Variants in SOS1 observed in about 807,000 individuals in gnomAD.
The protein encoded by SOS1 is son of sevenless homolog 1.
In SOS1, 25 loss-of-function variants were observed where a neutral mutation model predicts 157.6. The ratio of observed to expected loss-of-function variants is 0.16; its 90% CI spans 0.12 to 0.22. The LOEUF (loss-of-function observed/expected upper bound fraction) is 0.22, where lower values mean the gene tolerates loss of function less well. Among genes scored for constraint, SOS1 ranks in the 10% least tolerant of loss-of-function variants. SOS1 has a pLI of 1.00. For missense variants in SOS1, 1,237 were observed against 1,599.1 expected (o/e 0.77, Z 3.86); for synonymous variants, 528 against 534.0 (o/e 0.99, Z 0.16).
intron 12 of SOS1, 112 bp from the exon 13 acceptor site, chr2:39,013,675 C>T: frequency 2.1e-6 from 2 of 933,742 alleles, no homozygotes; most frequent in South Asian, 2.6e-5. Flanking sequence ...TTAATCTTAT[C>T]AGTGTGCTTA....
At position 39,061,249 on chromosome 2, in the gene SOS1, T is replaced by TA. The variant is rs68086036; in HGVS notation, c.214-2446dup. ...ATGCATGCGGAAAGATTCGTAGGGT[T>TA]AAAAAAAAAAAAAAAAAAAAAGGTG... On this transcript the variant is annotated intron_variant, in intron 2 of 22. Transcript: ENST00000402219. 1.5e-3 allele frequency among the ~76,000 whole-genome samples: 181 copies of TA among 117,422 alleles called. 3 individuals carry two copies. The East Asian group carries it at 0.021, about 14-fold the overall frequency. The allele number at this position is 117,422 out of a possible 152,430, so 77.0% of individuals were successfully genotyped here. A position where few individuals can be genotyped will look rare whatever the true frequency, so the allele number is the denominator to read the frequency against.
chr2:39,008,267 GA>G (rs952839816), intron 15 of SOS1, among the ~76,000 whole-genome samples: 59 of 152,302 alleles, frequency 3.9e-4, no homozygotes, highest in African/African-American at 1.4e-3. Context: ...TTCCATGCCA[GA>G]AGAGGCGGGT....
chr2:39,105,395 C>T (rs562657838), intron 1 of SOS1, among the ~76,000 whole-genome samples: 21 of 151,962 alleles, frequency 1.4e-4, no homozygotes, highest in African/African-American at 5.1e-4. Context: ...GGGATTACAG[C>T]TGTGAGGCAC....
intron 2 of SOS1, 50 bp downstream of exon 2, chr2:39,067,578 C>A (rs781646789): frequency 1.9e-6 from 3 of 1,556,108 alleles, no homozygotes; most frequent in Middle Eastern, 3.4e-4. Flanking sequence ...GACATTACAA[C>A]CAACACACAA....
At chr2:39,003,069 A>AAAACAAACAAAC (rs1553352654) in intron 17 of SOS1, among the ~76,000 whole-genome samples, 2,791 of 79,176 alleles carry the variant, frequency 0.035, 51 homozygotes, top group Non-Finnish European at 0.061. Context: ...CTTGTATCAA[A>AAAACAAACAAAC]AAAAAAAAAG....
chr2:38,986,369 A>G, intron 22 of SOS1, 54 bp from the exon 23 acceptor site: 2 of 1,485,602 alleles, frequency 1.3e-6, no homozygotes, highest in Non-Finnish European at 1.8e-6. Flanking sequence ...ATGAAGTATC[A>G]TGACTATAAG....
intron 8 of SOS1, among the ~76,000 whole-genome samples, chr2:39,032,646 A>G (rs1033991613): frequency 2.6e-5 from 4 of 152,170 alleles, no homozygotes; most frequent in Non-Finnish European, 5.9e-5. Context: ...CAAGTTCTCT[A>G]AAGAGATGTA....
intron 17 of SOS1, among the ~76,000 whole-genome samples, chr2:38,997,670 T>A (rs1033198421): frequency 1.3e-5 from 2 of 152,058 alleles, no homozygotes; most frequent in Middle Eastern, 6.8e-3. Context: ...ACATATTTTT[T>A]ATTTTTTTAT....
chr2:39,123,766 A>G (rs1363142338), upstream of SOS1, among the ~76,000 whole-genome samples: 1 of 152,238 alleles, frequency 6.6e-6, no homozygotes, highest in Non-Finnish European at 1.5e-5. Context: ...AAGGAATAAA[A>G]TGTGCATGCA....
intron 1 of SOS1, among the ~76,000 whole-genome samples, chr2:39,078,833 A>C (rs969216125): frequency 1.3e-5 from 2 of 152,100 alleles, no homozygotes; most frequent in African/African-American, 4.8e-5. Context: ...AGGCTAAGGC[A>C]GGCAGATCAT....
intron 8 of SOS1, among the ~76,000 whole-genome samples, chr2:39,026,174 G>A (rs1669954235): frequency 6.6e-6 from 1 of 151,904 alleles, no homozygotes; most frequent in African/African-American, 2.4e-5. Context: ...GGCCAATATG[G>A]TAAAACCCCG....
chr2:39,083,950 T>C (rs1218982350), intron 1 of SOS1, among the ~76,000 whole-genome samples: 1 of 152,144 alleles, frequency 6.6e-6, no homozygotes, highest in Admixed American at 6.5e-5. Flanking sequence ...AAAGAGGTAA[T>C]TAAGTTAAAA....
At chr2:39,029,505 TC>T (rs1403104588) in intron 8 of SOS1, among the ~76,000 whole-genome samples, 1 of 151,538 alleles carries the variant, frequency 6.6e-6, no homozygotes, top group East Asian at 1.9e-4. Context: ...ACAACCAGAG[TC>T]CCAGCTACTC....
chr2:39,100,830 G>A (rs1194755065), intron 1 of SOS1, among the ~76,000 whole-genome samples: 1 of 152,046 alleles, frequency 6.6e-6, no homozygotes, highest in South Asian at 2.1e-4. Context: ...GAGGAGGGAG[G>A]ATCACTTAAG....
intron 1 of SOS1, among the ~76,000 whole-genome samples, chr2:39,075,384 G>C (rs891048529): frequency 6.6e-6 from 1 of 152,160 alleles, no homozygotes; most frequent in Non-Finnish European, 1.5e-5. Context: ...TAAGGTTCTT[G>C]TATTACATCT....
At chr2:39,022,398 G>A (rs1669826092) in intron 10 of SOS1, 172 bp downstream of exon 10, 1 of 627,224 alleles carries the variant, frequency 1.6e-6, no homozygotes, top group Non-Finnish European at 2.8e-6. Flanking sequence ...TTTAAGTGTA[G>A]TAGAAAAAGT....
At chr2:39,124,398 A>C (rs895119521), upstream of SOS1, 2 of 152,242 alleles carry the variant, frequency 1.3e-5, no homozygotes, top group Non-Finnish European at 2.9e-5. Context: ...GACGTGACGC[A>C]CGAGGCGCGT....
intron 2 of SOS1, among the ~76,000 whole-genome samples, chr2:39,063,368 A>C (rs569400534): frequency 6.6e-6 from 1 of 152,334 alleles, no homozygotes; most frequent in South Asian, 2.1e-4. Context: ...AGTTATATGC[A>C]AATACTATGC....
At position 39,035,578 on chromosome 2, in the gene SOS1, T is replaced by C. The variant is rs1035165877; in HGVS notation, c.865-78A>G. The C allele has an allele frequency of 5.9e-5, 59 of 1,002,592 alleles. 2 individuals are homozygous for C. The South Asian group carries it at 7.3e-4, about 12-fold the overall frequency. 62.1% of individuals were successfully genotyped at this position (1,002,592 alleles called of 1,614,324 possible). ...AAGATTTAATTATGGGGCACGACTA[T>C]GCGAGCACAATTATGTATGTCTTTG... On this transcript the variant is annotated intron_variant, in intron 6 of 22. Coordinates refer to ENST00000402219, the MANE Select transcript of SOS1 (RefSeq NM_005633.4).
Sources: allele counts gnomAD v4.1 joint callset (sites outside exome capture counted in the v4.1 genomes callset), GRCh38; gene constraint gnomAD v4.1.1; transcripts MANE v1.5; gene names NCBI Gene and HGNC (gene_info 2026-07-23, HGNC 2026-07-21).